HADHB: variants seen among roughly 807,000 people sequenced by gnomAD.
HADHB encodes trifunctional enzyme subunit beta, mitochondrial.
A neutral mutation model predicts 61.9 loss-of-function variants in HADHB; 50 were observed. The ratio of observed to expected loss-of-function variants is 0.81; its 90% confidence interval spans 0.64 to 1.02. The LOEUF is 1.02. Ranked by LOEUF, HADHB falls within the 50% of genes least tolerant of loss-of-function variation. HADHB has a pLI of 0.00. For synonymous variants in HADHB, 191 were observed against 201.6 expected, an observed-to-expected ratio of 0.95 and a Z score of 0.45; for missense variants, 504 against 586.5, an observed-to-expected ratio of 0.86 and a Z score of 1.45.
chr2:26,278,915 A>C, intron 8 of HADHB, 114 bp downstream of exon 8: 1 of 1,043,838 alleles, frequency 9.6e-7, no homozygotes, highest in Non-Finnish European at 1.5e-6. Flanking sequence ...GAAAGGGTTA[A>C]TTACTTGCTC....
intron 1 of HADHB, 25 bp from the exon 2 acceptor site, chr2:26,254,222 T>A (rs1400592972): frequency 3.0e-6 from 3 of 1,007,466 alleles, no homozygotes; most frequent in Non-Finnish European, 4.8e-6. Flanking sequence ...TAATCCAGGA[T>A]ATACTTTTGT....
At chr2:26,249,420 A>G (rs952740793) in intron 1 of HADHB, among the ~76,000 whole-genome samples, 1 of 151,938 alleles carries the variant, frequency 6.6e-6, no homozygotes. Context: ...CTGAGGCAGG[A>G]GAATTGCTTG....
chr2:26,275,418 T>G (rs949882145), intron 6 of HADHB, among the ~76,000 whole-genome samples: 2 of 152,226 alleles, frequency 1.3e-5, no homozygotes, highest in African/African-American at 4.8e-5. Flanking sequence ...TTTCCCTTAG[T>G]GCCCTGAGAG....
At chr2:26,276,954 C>T in intron 6 of HADHB, 119 bp from the exon 7 acceptor site, 1 of 704,582 alleles carries the variant, frequency 1.4e-6, no homozygotes, top group Non-Finnish European at 2.6e-6. Flanking sequence ...TTAAATATTG[C>T]TCTGGAGAAT....
rs150392970 is a variant in HADHB at position 26,266,262 on chromosome 2, G to C, written c.209+2783G>C. 3.1e-3 allele frequency among the ~76,000 whole-genome samples: 464 copies of C among 151,994 alleles called. 2 individuals are homozygous for C. The highest frequency in any genetic ancestry group is 5.6e-3 in the Non-Finnish European group (383 of 67,962). On this transcript the variant is annotated intron_variant, in intron 4 of 15. Coordinates refer to ENST00000317799, the MANE Select transcript of HADHB (RefSeq NM_000183.3). Reference sequence around the variant, plus strand: ...ATTGCACTTCAACCTGGGTGACAGAGCCAGACCTTGTCTCTTAAAAAAAAA... The same window carrying C: ...ATTGCACTTCAACCTGGGTGACAGACCCAGACCTTGTCTCTTAAAAAAAAA...
intron 12 of HADHB, 86 bp from the exon 13 acceptor site, chr2:26,284,031 C>T (rs1672911349): frequency 1.3e-6 from 1 of 758,460 alleles, no homozygotes; most frequent in Admixed American, 1.8e-5. Flanking sequence ...ATTAGAGTAC[C>T]TATGTAAAAC....
intron 1 of HADHB, among the ~76,000 whole-genome samples, chr2:26,253,992 G>A (rs1671510889): frequency 6.6e-6 from 1 of 152,022 alleles, no homozygotes; most frequent in Non-Finnish European, 1.5e-5. Context: ...TCTTACAAAG[G>A]ATGTAATAAT....
At chr2:26,271,082 A>T (rs530743897) in intron 5 of HADHB, among the ~76,000 whole-genome samples, 1 of 144,446 alleles carries the variant, frequency 6.9e-6, no homozygotes, top group South Asian at 2.2e-4. Context: ...TTTTTAGTAG[A>T]GACGGGGTTT....
intron 15 of HADHB, 122 bp from the exon 16 acceptor site, chr2:26,289,792 GTGAT>G: frequency 1.3e-6 from 1 of 779,564 alleles, no homozygotes; most frequent in South Asian, 1.4e-5. Context: ...CAAGATCACA[GTGAT>G]TGATTGGCAG....
chr2:26,252,100 C>T (rs1205532618), intron 1 of HADHB, among the ~76,000 whole-genome samples: 2 of 152,218 alleles, frequency 1.3e-5, no homozygotes, highest in Non-Finnish European at 2.9e-5. Context: ...GGAGCCTCTT[C>T]ATAAGGCTGC....
At position 26,273,698 on chromosome 2, in the gene HADHB, T is replaced by C; in HGVS notation, c.302T>C (p.Ile101Thr). The change falls in exon 6 of 16, where the codon ATC (isoleucine) becomes ACC (threonine). Residue 101 changes from isoleucine (I) to threonine (T), a missense_variant. Physicochemically the swap from Ile to Thr is moderately conservative, Grantham distance 89. Coordinates refer to ENST00000317799, the MANE Select transcript of HADHB (RefSeq NM_000183.3). ...GTCCCTAAGGAAGTAGTTGATTATA[T>C]CATCTTTGGTACAGTTATTCAGGAA... ...TSVPKEVVDY[I>T]IFGTVIQEVK... 1 of 1,610,104 alleles carries C rather than the reference T, an allele frequency of 6.2e-7. No individual in the cohort carries two copies. Among genetic ancestry groups the C allele is most frequent in the Non-Finnish European group, 8.5e-7 (1 of 1,176,420 alleles).
At chr2:26,281,902 T>G (rs895811179) in intron 10 of HADHB, among the ~76,000 whole-genome samples, 1 of 152,102 alleles carries the variant, frequency 6.6e-6, no homozygotes, top group Non-Finnish European at 1.5e-5. Flanking sequence ...ATTCTGAAGT[T>G]TTTGGGGGAG....
chr2:26,275,263 T>C lies in HADHB; in HGVS notation c.354+1513T>C, dbSNP rs6546890. Among the ~76,000 whole-genome samples, 952 of 151,980 alleles carry C rather than the reference T, an allele frequency of 6.3e-3. 8 individuals carry two copies. Among genetic ancestry groups the C allele is most frequent in the African/African-American group, 0.021 (890 of 41,544 alleles). Reference sequence around the variant, plus strand: ...TGCAACCTAAAAGCTAACATAATTTTCAGCCAAAGAGTTTCTTAGGCCCTA... The same window carrying C: ...TGCAACCTAAAAGCTAACATAATTTCCAGCCAAAGAGTTTCTTAGGCCCTA... On this transcript the variant is annotated intron_variant, in intron 6 of 15. Transcript: ENST00000317799.
At chr2:26,270,242 A>G (rs1267733528) in intron 5 of HADHB, among the ~76,000 whole-genome samples, 1 of 152,200 alleles carries the variant, frequency 6.6e-6, no homozygotes, top group East Asian at 1.9e-4. Context: ...CATATATTTG[A>G]TGATTGCCTT....
chr2:26,247,956 T>C (rs1347775404), intron 1 of HADHB, among the ~76,000 whole-genome samples: 4 of 152,200 alleles, frequency 2.6e-5, no homozygotes, highest in African/African-American at 9.6e-5. Flanking sequence ...AGTAAAATGC[T>C]TATTTTAAAA....
At chr2:26,249,102 A>G (rs1243367271) in intron 1 of HADHB, among the ~76,000 whole-genome samples, 1 of 151,992 alleles carries the variant, frequency 6.6e-6, no homozygotes, top group Non-Finnish European at 1.5e-5. Context: ...GAGGTTGAAC[A>G]TTATACATTT....
At chr2:26,260,081 G>GGTTTT (rs965472525) in intron 3 of HADHB, among the ~76,000 whole-genome samples, 1 of 133,568 alleles carries the variant, frequency 7.5e-6, no homozygotes, top group African/African-American at 2.7e-5. Flanking sequence ...GTTTTTTCTG[G>GGTTTT]TTTTTTTTTT....
chr2:26,282,645 C>T (rs1672839638), intron 10 of HADHB, among the ~76,000 whole-genome samples, 200 bp from the exon 11 acceptor site: 1 of 152,112 alleles, frequency 6.6e-6, no homozygotes, highest in South Asian at 2.1e-4. Context: ...CCTTCTCTAC[C>T]CTCATCCTCC....
intron 4 of HADHB, among the ~76,000 whole-genome samples, 199 bp downstream of exon 4, chr2:26,263,678 T>A (rs1456629556): frequency 6.6e-6 from 1 of 152,216 alleles, no homozygotes; most frequent in Non-Finnish European, 1.5e-5. Flanking sequence ...TTCTCATGAA[T>A]AAGTCTAGCG....
Sources: gnomAD v4.1 joint callset for allele counts (sites outside exome capture counted in the v4.1 genomes callset) on GRCh38, gnomAD v4.1.1 for gene constraint, MANE v1.5 for transcripts, NCBI Gene and HGNC (gene_info 2026-07-23, HGNC 2026-07-21) for gene names.